The following IHO1 variants were observed in gnomAD, a reference collection of about 807,000 sequenced individuals.
The protein encoded by IHO1 is interactor of HORMAD1 1.
In IHO1, 13 loss-of-function variants were observed where a neutral mutation model predicts 31.0. The observed-to-expected ratio is 0.42, with a 90% CI of 0.27 to 0.67. The LOEUF is 0.67. Among genes scored for constraint, IHO1 ranks in the 30% least tolerant of loss-of-function variants. IHO1 has a pLI of 0.24. For missense variants in IHO1, 599 were observed against 687.5 expected (o/e 0.87, Z 1.44); for synonymous variants, 221 against 248.4 (o/e 0.89, Z 1.04).
intron 4 of IHO1, among the ~76,000 whole-genome samples, chr3:49,241,603 A>T (rs1005914967): frequency 6.6e-6 from 1 of 151,896 alleles, no homozygotes; most frequent in Non-Finnish European, 1.5e-5. Flanking sequence ...AGAAAGAGAA[A>T]GAGGGAGAGA....
At chr3:49,232,891 G>T (rs1162752016) in intron 2 of IHO1, among the ~76,000 whole-genome samples, 1 of 152,086 alleles carries the variant, frequency 6.6e-6, no homozygotes, top group Non-Finnish European at 1.5e-5. Flanking sequence ...ATAACGCCTG[G>T]ATGTAATGAC....
At chr3:49,242,841 A>G (rs1216935315) in intron 4 of IHO1, among the ~76,000 whole-genome samples, 2 of 152,136 alleles carry the variant, frequency 1.3e-5, no homozygotes, top group African/African-American at 4.8e-5. Context: ...CAACAACAAA[A>G]AAGAATAGAA....
intron 2 of IHO1, among the ~76,000 whole-genome samples, chr3:49,236,203 T>C (rs1431926563): frequency 2.0e-5 from 3 of 152,202 alleles, no homozygotes; most frequent in Non-Finnish European, 2.9e-5. Context: ...AGTAGGATCC[T>C]GTCTCAAAAC....
chr3:49,232,840 C>A (rs2046499859), intron 2 of IHO1, among the ~76,000 whole-genome samples: 1 of 152,150 alleles, frequency 6.6e-6, no homozygotes, highest in Admixed American at 6.5e-5. Context: ...ACACAGAGAA[C>A]AATTATATTT....
chr3:49,227,646 A>T (rs1357008165), intron 2 of IHO1, among the ~76,000 whole-genome samples: 3 of 152,124 alleles, frequency 2.0e-5, no homozygotes, highest in Non-Finnish European at 4.4e-5. Context: ...TTACCAATGC[A>T]TTCTTGAAAA....
At position 49,256,585 on chromosome 3, in the gene IHO1, C is replaced by A; in HGVS notation, c.1088C>A (p.Thr363Asn). The change falls in exon 8 of 8, where the codon ACT becomes AAT. Residue 363 changes from threonine (T) to asparagine (N), a missense_variant. Transcript: ENST00000452691. This position sits in a 1 kb window ranked among gnomAD's most constrained non-coding sequence, Gnocchi z 4.6. The stretch of plus-strand genomic sequence containing the variant: ...ACTAACTGCAAGAACTGGGCTGTTA[C>A]TAAAACAGGTGCCAAGAACCATGGT... ...VQTNCKNWAV[T>N]KTGAKNHGSS... The A allele has an allele frequency of 6.2e-7, 1 of 1,614,218 alleles. No homozygotes were observed. Among genetic ancestry groups the A allele is most frequent in the Non-Finnish European group, 8.5e-7 (1 of 1,180,044 alleles).
chr3:49,224,334 C>A (rs2046392077), intron 2 of IHO1, among the ~76,000 whole-genome samples: 1 of 152,210 alleles, frequency 6.6e-6, no homozygotes. Flanking sequence ...TGACGGTTTC[C>A]TTCTGCCTTT....
chr3:49,223,001 A>G (rs1447966896), intron 2 of IHO1, among the ~76,000 whole-genome samples: 2 of 152,204 alleles, frequency 1.3e-5, no homozygotes, highest in South Asian at 2.1e-4. Context: ...GACCAACACT[A>G]GATCTCCTGG....
intron 2 of IHO1, among the ~76,000 whole-genome samples, chr3:49,225,878 AG>A (rs1014086425): frequency 6.6e-6 from 1 of 152,082 alleles, no homozygotes; most frequent in Non-Finnish European, 1.5e-5. Context: ...ATACATACCC[AG>A]GGCTCAGTGA....
chr3:49,216,672 A>G (rs1430779806), intron 2 of IHO1, among the ~76,000 whole-genome samples: 1 of 152,236 alleles, frequency 6.6e-6, no homozygotes, highest in African/African-American at 2.4e-5. Flanking sequence ...AGAGCTATGC[A>G]CAGCAAAAGA....
Position 49,256,468 on chromosome 3 carries a change from G to T in IHO1, c.971G>T (p.Gly324Val). 1 of 1,614,192 alleles carries T rather than the reference G, an allele frequency of 6.2e-7. No individual in the cohort carries two copies. Among genetic ancestry groups the T allele is most frequent in the Non-Finnish European group, 8.5e-7 (1 of 1,180,048 alleles). ...QPGEFDVWGE[G>V]AKNDDLQEEA... ...GGAGAATTTGATGTCTGGGGTGAAGGAGCAAAGAATGATGATCTCCAAGAA... is the reference window on the plus strand; with the variant it reads ...GGAGAATTTGATGTCTGGGGTGAAGTAGCAAAGAATGATGATCTCCAAGAA... The change falls in exon 8 of 8, where the codon GGA becomes GTA. Residue 324 changes from glycine to valine, a missense_variant. Transcript: ENST00000452691. The surrounding 1 kb of genome is among the most constrained non-coding windows in gnomAD (Gnocchi z 4.6).
intron 2 of IHO1, among the ~76,000 whole-genome samples, chr3:49,215,940 A>G (rs2046281825): frequency 6.6e-6 from 1 of 152,198 alleles, no homozygotes; most frequent in South Asian, 2.1e-4. Context: ...GACTAGGGCT[A>G]GTTTCATTTC....
upstream of IHO1, among the ~76,000 whole-genome samples, chr3:49,193,961 C>CAA (rs1243651891): frequency 5.7e-5 from 6 of 104,928 alleles, no homozygotes; most frequent in Admixed American, 1.0e-4. Context: ...GAATCCATCT[C>CAA]AAAAAAAAAA....
chr3:49,243,127 T>G (rs2046651951), intron 4 of IHO1, among the ~76,000 whole-genome samples: 1 of 151,984 alleles, frequency 6.6e-6, no homozygotes, highest in Non-Finnish European at 1.5e-5. Flanking sequence ...ATACAATGCA[T>G]GAATTCTTTG....
Position 49,256,664 on chromosome 3 carries a change from A to G in IHO1, c.1167A>G (p.Gly389=), listed in dbSNP as rs751693404. 6.2e-7 allele frequency: 1 copy of G among 1,614,260 alleles called. No homozygotes were observed. Among genetic ancestry groups the G allele is most frequent in the South Asian group, 1.1e-5 (1 of 91,088 alleles). ...IPSDRDLVSQ[G]ASQLTSLEIN... is the part of the protein sequence containing the mutation. Reference sequence around the variant, plus strand: ...GTGACAGGGACCTGGTTTCCCAAGGAGCCTCACAGCTCACATCATTGGAGA... The same window carrying G: ...GTGACAGGGACCTGGTTTCCCAAGGGGCCTCACAGCTCACATCATTGGAGA... Residue 389 remains glycine, a synonymous_variant, in exon 8 of 8, where the codon GGA becomes GGG. Transcript: ENST00000452691. The surrounding 1 kb of genome is among the most constrained non-coding windows in gnomAD (Gnocchi z 4.6).
At chr3:49,206,856 T>G (rs1439804620) in intron 1 of IHO1, among the ~76,000 whole-genome samples, 1 of 151,872 alleles carries the variant, frequency 6.6e-6, no homozygotes, top group East Asian at 2.0e-4. Flanking sequence ...AAGACCAGCC[T>G]GGCCAACATG....
intron 2 of IHO1, among the ~76,000 whole-genome samples, chr3:49,229,315 A>G (rs556339441): frequency 4.6e-5 from 7 of 152,344 alleles, no homozygotes; most frequent in African/African-American, 1.7e-4. Context: ...CAAAAGTTCC[A>G]ACGGGTCTGT....
At chr3:49,198,467 C>G (rs2046016377), upstream of IHO1, 1 of 152,392 alleles carries the variant, frequency 6.6e-6, no homozygotes, top group Non-Finnish European at 1.5e-5. Context: ...ACTGGTGTGT[C>G]CTGGGGCTGA....
intron 1 of IHO1, among the ~76,000 whole-genome samples, chr3:49,200,177 C>T (rs1316755397): frequency 6.6e-6 from 1 of 152,088 alleles, no homozygotes; most frequent in Non-Finnish European, 1.5e-5. Context: ...ATCGCAGCCT[C>T]AAGAATCTCG....
Sources: allele counts gnomAD v4.1 joint callset (sites outside exome capture counted in the v4.1 genomes callset), GRCh38; gene constraint gnomAD v4.1.1; non-coding constraint Gnocchi (gnomAD v3.1); transcripts MANE v1.5; gene names NCBI Gene and HGNC (gene_info 2026-07-23, HGNC 2026-07-21).